The following XYLT1 variants were observed in gnomAD, a reference collection of about 807,000 sequenced individuals.
XYLT1 encodes beta-D-xylosyltransferase 1.
In XYLT1, 36 loss-of-function variants were observed where a neutral mutation model predicts 91.3. The observed-to-expected ratio is 0.39, with a 90% confidence interval of 0.30 to 0.52. The LOEUF is 0.52. XYLT1 is among the 20% of genes least tolerant of loss of function. XYLT1 has a pLI of 0.68. For missense variants in XYLT1, 1,242 were observed against 1,284.5 expected (o/e 0.97, Z 0.51); for synonymous variants, 588 against 532.0 (o/e 1.11, Z -1.45).
chr16:17,127,946 C>G, intron 9 of XYLT1, 85 bp from the exon 10 acceptor site: 1 of 1,317,886 alleles, frequency 7.6e-7, no homozygotes, highest in Non-Finnish European at 1.0e-6. Flanking sequence ...AGTTTTGTTC[C>G]TAAAGCAGTC....
intron 2 of XYLT1, among the ~76,000 whole-genome samples, chr16:17,281,515 T>A (rs1465198429): frequency 6.6e-6 from 1 of 151,978 alleles, no homozygotes; most frequent in Non-Finnish European, 1.5e-5. Flanking sequence ...TTAAAAAAAA[T>A]GATGGTCATG....
At chr16:17,139,481 G>A (rs573947063) in intron 7 of XYLT1, among the ~76,000 whole-genome samples, 20 of 152,182 alleles carry the variant, frequency 1.3e-4, no homozygotes, top group African/African-American at 3.4e-4. Flanking sequence ...CACCAGTATC[G>A]TGGTGGGCGT....
At chr16:17,239,969 G>A (rs1307908766) in intron 3 of XYLT1, among the ~76,000 whole-genome samples, 1 of 152,148 alleles carries the variant, frequency 6.6e-6, no homozygotes, top group Non-Finnish European at 1.5e-5. Flanking sequence ...CTTAGTACCA[G>A]GTGGTGTAAG....
intron 1 of XYLT1, among the ~76,000 whole-genome samples, chr16:17,397,721 G>A (rs928527518): frequency 2.0e-5 from 3 of 152,104 alleles, no homozygotes; most frequent in Non-Finnish European, 2.9e-5. Flanking sequence ...AAGCTGGACC[G>A]GAACCTGAGC....
chr16:17,179,686 C>G (rs2032024241), intron 5 of XYLT1, among the ~76,000 whole-genome samples: 1 of 152,208 alleles, frequency 6.6e-6, no homozygotes, highest in Non-Finnish European at 1.5e-5. Context: ...AAGTACTTGC[C>G]AAATGACTGA....
At chr16:17,289,310 C>T (rs985379020) in intron 2 of XYLT1, among the ~76,000 whole-genome samples, 12 of 152,204 alleles carry the variant, frequency 7.9e-5, no homozygotes, top group Admixed American at 5.9e-4. Context: ...GGTTGCTTCT[C>T]TGTATCATCA....
In XYLT1 at chr16:17,373,646, T is replaced by C. The variant is rs1364061937; in HGVS notation, c.364-15596A>G. Among the ~76,000 whole-genome samples the C allele has an allele frequency of 2.6e-5, 4 of 152,346 alleles. No individual in the cohort carries two copies. The East Asian group carries it at 5.8e-4, about 22-fold the overall frequency. On this transcript the variant is annotated intron_variant, in intron 1 of 11. Transcript: ENST00000261381. ...GCATGTGCCAGGCACTGACATATTT[T>C]ACTCACTTAATTCTGACAACTGCCC...
At chr16:17,235,712 C>G (rs1278487163) in intron 3 of XYLT1, among the ~76,000 whole-genome samples, 1 of 152,140 alleles carries the variant, frequency 6.6e-6, no homozygotes, top group Non-Finnish European at 1.5e-5. Flanking sequence ...AAAACGTTTG[C>G]CTAGTGCCTG....
chr16:17,425,539 C>T (rs2036306388), intron 1 of XYLT1, among the ~76,000 whole-genome samples: 1 of 152,194 alleles, frequency 6.6e-6, no homozygotes, highest in Admixed American at 6.5e-5. Context: ...TAACATTTTG[C>T]TTCCCAGAAA....
chr16:17,468,908 GC>G, intron 1 of XYLT1, among the ~76,000 whole-genome samples: 1 of 152,026 alleles, frequency 6.6e-6, no homozygotes, highest in African/African-American at 2.4e-5. Flanking sequence ...TTGCATTTCT[GC>G]GGGAACCCAT....
chr16:17,208,206 A>C (rs958655763), intron 3 of XYLT1, among the ~76,000 whole-genome samples: 3 of 108,858 alleles, frequency 2.8e-5, no homozygotes, highest in African/African-American at 1.1e-4. Context: ...GGCTGGTCTC[A>C]AACTCCTGGG....
At chr16:17,189,858 C>T (rs1291984980) in intron 5 of XYLT1, among the ~76,000 whole-genome samples, 1 of 152,074 alleles carries the variant, frequency 6.6e-6, no homozygotes, top group Non-Finnish European at 1.5e-5. Context: ...ACCAGACTGA[C>T]CAACATGGTG....
At chr16:17,418,121 G>A (rs1849070078) in intron 1 of XYLT1, among the ~76,000 whole-genome samples, 1 of 152,210 alleles carries the variant, frequency 6.6e-6, no homozygotes, top group African/African-American at 2.4e-5. Context: ...ACAAAACCTT[G>A]AGAGATGATA....
chr16:17,271,800 G>A (rs1302886033), intron 2 of XYLT1, among the ~76,000 whole-genome samples: 2 of 152,136 alleles, frequency 1.3e-5, no homozygotes, highest in Admixed American at 1.3e-4. Flanking sequence ...CATACTGGCC[G>A]ATCTCAGCTG....
chr16:17,319,932 C>T (rs8046321), intron 2 of XYLT1, among the ~76,000 whole-genome samples: 103,981 of 152,060 alleles, frequency 0.68, 37,485 homozygotes, highest in African/African-American at 0.9. Context: ...ACTGGAATTC[C>T]TGGAGTCTTC....
intron 5 of XYLT1, among the ~76,000 whole-genome samples, chr16:17,185,660 A>G (rs1413885297): frequency 2.0e-5 from 3 of 152,200 alleles, no homozygotes; most frequent in African/African-American, 7.2e-5. Flanking sequence ...GTGGATTTCA[A>G]TTCTCACTAG....
chr16:17,167,954 A>G (rs1445527083), intron 5 of XYLT1, among the ~76,000 whole-genome samples: 1 of 152,118 alleles, frequency 6.6e-6, no homozygotes, highest in African/African-American at 2.4e-5. Context: ...TCTCCTCCAC[A>G]CTCCAGACGG....
intron 1 of XYLT1, among the ~76,000 whole-genome samples, chr16:17,396,643 G>C (rs569698402): frequency 6.6e-6 from 1 of 152,318 alleles, no homozygotes; most frequent in East Asian, 1.9e-4. Flanking sequence ...GGCCGAGGCA[G>C]GCAGATCACT....
At position 17,343,077 on chromosome 16, in the gene XYLT1, G is replaced by A. The variant is rs552339043; in HGVS notation, c.402+14935C>T. On this transcript the variant is annotated intron_variant, in intron 2 of 11. Coordinates refer to ENST00000261381, the MANE Select transcript of XYLT1 (RefSeq NM_022166.4). ...AGAAAGTAACACGTAAACACCTCAC[G>A]GCCAACATGGCACACAGCAGCCTGG... Among the ~76,000 whole-genome samples the A allele has an allele frequency of 3.9e-5, 6 of 152,290 alleles. No individual in the cohort carries two copies. The South Asian group carries it at 8.3e-4, about 21-fold the overall frequency.
Sources: gnomAD v4.1 joint callset for allele counts (sites outside exome capture counted in the v4.1 genomes callset) on GRCh38, gnomAD v4.1.1 for gene constraint, MANE v1.5 for transcripts, NCBI Gene and HGNC (gene_info 2026-07-23, HGNC 2026-07-21) for gene names.